Variants in CTNNA1 observed in about 807,000 individuals in gnomAD.
CTNNA1 encodes catenin alpha 1.
Under a neutral mutation model 98.4 loss-of-function variants are expected in CTNNA1, and 37 were observed. The ratio of observed to expected loss-of-function variants is 0.38; its 90% CI spans 0.29 to 0.49. The LOEUF (loss-of-function observed/expected upper bound fraction) is 0.49, where lower values mean the gene tolerates loss of function less well. CTNNA1 is among the 20% of genes least tolerant of loss of function. The pLI, the probability that CTNNA1 is intolerant of heterozygous loss-of-function variation, is 0.95. For missense variants in CTNNA1, 761 were observed against 1,147.2 expected, an observed-to-expected ratio of 0.66 and a Z score of 4.86; for synonymous variants, 404 against 413.2, an observed-to-expected ratio of 0.98 and a Z score of 0.27.
chr5:138,811,700 G>A (rs1758816704), intron 4 of CTNNA1, among the ~76,000 whole-genome samples: 2 of 152,096 alleles, frequency 1.3e-5, no homozygotes, highest in East Asian at 1.9e-4. Flanking sequence ...CGGATCACTC[G>A]CGGTTAGGAG....
intron 1 of CTNNA1, among the ~76,000 whole-genome samples, chr5:138,768,676 G>A (rs1753205051): frequency 6.6e-6 from 1 of 151,042 alleles, no homozygotes; most frequent in Non-Finnish European, 1.5e-5. Flanking sequence ...CCTGGGTACA[G>A]GTGGTCCTTC....
At chr5:138,775,690 G>C (rs1486803805) in intron 1 of CTNNA1, among the ~76,000 whole-genome samples, 7 of 146,670 alleles carry the variant, frequency 4.8e-5, no homozygotes, top group Non-Finnish European at 1.0e-4. Flanking sequence ...AGTCTCTTTA[G>C]CCTCCTTTAA....
At chr5:138,862,418 T>A (rs1450369039) in intron 7 of CTNNA1, among the ~76,000 whole-genome samples, 1 of 152,234 alleles carries the variant, frequency 6.6e-6, no homozygotes, top group Non-Finnish European at 1.5e-5. Context: ...TCCTAAAATA[T>A]AATTGTCCAA....
At chr5:138,834,053 C>T (rs1761542468) in intron 7 of CTNNA1, among the ~76,000 whole-genome samples, 1 of 152,104 alleles carries the variant, frequency 6.6e-6, no homozygotes, top group Non-Finnish European at 1.5e-5. Context: ...TGTTCATTTT[C>T]AAAGATCTTT....
intron 5 of CTNNA1, among the ~76,000 whole-genome samples, chr5:138,820,688 C>CT (rs1426783448): frequency 6.6e-6 from 1 of 152,016 alleles, no homozygotes; most frequent in African/African-American, 2.4e-5. Context: ...CTTTGGCACT[C>CT]TATCTCAATT....
chr5:138,899,203 CTTTTGT>C (rs1478409113), intron 9 of CTNNA1, among the ~76,000 whole-genome samples: 10 of 151,742 alleles, frequency 6.6e-5, no homozygotes, highest in Non-Finnish European at 1.0e-4. Flanking sequence ...TCCTTGTATA[CTTTTGT>C]TTTTGTTTTT....
chr5:138,867,747 C>CTTTTTT (rs67829407), intron 7 of CTNNA1, among the ~76,000 whole-genome samples: 4 of 144,118 alleles, frequency 2.8e-5, no homozygotes, highest in African/African-American at 2.6e-5. Flanking sequence ...TTCTTTCTTT[C>CTTTTTT]TTTTTTTTTT....
At position 138,851,957 on chromosome 5, in the gene CTNNA1, C is replaced by T. The variant is rs907588488; in HGVS notation, c.1062+24239C>T. Among the ~76,000 whole-genome samples the T allele has an allele frequency of 1.5e-4, 23 of 151,876 alleles. 1 individual carries two copies. Among genetic ancestry groups the T allele is most frequent in the Non-Finnish European group, 5.9e-5 (4 of 68,000 alleles). Reference sequence around the variant, plus strand: ...TGATGGCGCGTGCCTGTAATCCCAGCTACTCGGAAGGCTGAGGCAGGAGAA... The same window carrying T: ...TGATGGCGCGTGCCTGTAATCCCAGTTACTCGGAAGGCTGAGGCAGGAGAA... On this transcript the variant is annotated intron_variant, in intron 7 of 17. Transcript: ENST00000302763.
chr5:138,879,462 G>GT (rs1185309107), intron 7 of CTNNA1, among the ~76,000 whole-genome samples: 1 of 151,590 alleles, frequency 6.6e-6, no homozygotes, highest in Non-Finnish European at 1.5e-5. Flanking sequence ...TTTTGTTGTT[G>GT]TGTTTTTTTT....
chr5:138,933,060 G>C, intron 17 of CTNNA1: 1 of 728,376 alleles, frequency 1.4e-6, no homozygotes, highest in Non-Finnish European at 2.5e-6. Context: ...CTTGAGCCTG[G>C]GAGATGGAGG....
chr5:138,829,456 G>C (rs2149790043), intron 7 of CTNNA1, among the ~76,000 whole-genome samples: 1 of 152,266 alleles, frequency 6.6e-6, no homozygotes, highest in East Asian at 1.9e-4. Context: ...GTGGGAAGGA[G>C]GATGTGATAA....
chr5:138,823,733 G>A (rs988529345), intron 5 of CTNNA1, among the ~76,000 whole-genome samples: 5 of 151,816 alleles, frequency 3.3e-5, no homozygotes, highest in East Asian at 1.9e-4. Context: ...CGAGGCGGGC[G>A]GATCACGAGG....
chr5:138,835,204 G>GAT (rs1761665184), intron 7 of CTNNA1, among the ~76,000 whole-genome samples: 2 of 152,266 alleles, frequency 1.3e-5, no homozygotes, highest in African/African-American at 4.8e-5. Flanking sequence ...AGGCCATCTG[G>GAT]ATGTATACAT....
rs752347559 is a variant in CTNNA1 at position 138,932,673 on chromosome 5, C to T, written c.2394C>T (p.Ala798=). The T allele has an allele frequency of 1.2e-5, 19 of 1,614,042 alleles. No individual in the cohort carries two copies. The highest frequency in any genetic ancestry group is 1.6e-5 in the Non-Finnish European group (19 of 1,180,046). The change falls in exon 17 of 18, where the codon GCC becomes GCT. Residue 798 remains alanine, a synonymous_variant. Transcript: ENST00000302763. ...HQLNICSKVK[A]EVQNLGGELV... ...TGAACATCTGCAGCAAGGTCAAGGC[C>T]GAGGTGCAGAATCTCGGCGGGGAGC...
At chr5:138,830,816 T>C (rs1761204291) in intron 7 of CTNNA1, among the ~76,000 whole-genome samples, 1 of 152,180 alleles carries the variant, frequency 6.6e-6, no homozygotes, top group Non-Finnish European at 1.5e-5. Flanking sequence ...GGGGGTTTAA[T>C]GGGAGTGTCA....
intron 1 of CTNNA1, among the ~76,000 whole-genome samples, chr5:138,774,655 T>C (rs1045774364): frequency 4.6e-5 from 7 of 151,966 alleles, no homozygotes; most frequent in Non-Finnish European, 8.8e-5. Context: ...GGAGTCTCGC[T>C]CTGTCGCCCA....
In CTNNA1 at chr5:138,770,620, C is replaced by T. The variant is rs555876454; in HGVS notation, c.-2-11303C>T. 2.0e-5 allele frequency among the ~76,000 whole-genome samples: 3 copies of T among 152,304 alleles called. No homozygotes were observed. In the South Asian group the frequency reaches 6.2e-4, roughly 32 times the overall value. ...CCTCCAGATACTCACTTGATTAGTT[C>T]TTTCCTGACTATTAGATTTTCGCTC... On this transcript the variant is annotated intron_variant, in intron 1 of 17. Transcript: ENST00000302763.
chr5:138,765,109 C>T (rs1388923091), intron 1 of CTNNA1, among the ~76,000 whole-genome samples: 1 of 151,832 alleles, frequency 6.6e-6, no homozygotes, highest in Admixed American at 6.6e-5. Flanking sequence ...GGCATGATCT[C>T]GGCTCACTGC....
rs1760473602 is a variant in CTNNA1, at chr5:138,824,764, G to A, written c.823G>A (p.Gly275Arg). 1.2e-6 allele frequency: 2 copies of A among 1,614,210 alleles called. No individual in the cohort carries two copies. The highest frequency in any genetic ancestry group is 1.7e-6 in the Non-Finnish European group (2 of 1,180,032). Reference sequence around the variant, plus strand: ...TGCCTCACAGCACCAGGGTGGAGGAGGAGGAGAACTGGCATATGCACTCAA... The same window carrying A: ...TGCCTCACAGCACCAGGGTGGAGGAAGAGGAGAACTGGCATATGCACTCAA... ...DDASQHQGGG[G>R]GELAYALNNF... The change falls in exon 6 of 18, where the codon GGA (glycine) becomes AGA (arginine). Residue 275 changes from glycine (G) to arginine (R), a missense_variant. By Grantham distance (125) the Gly-to-Arg change is moderately radical. Around this residue, in one of 6 missense-constraint regions of CTNNA1, gnomAD observed 328 missense variants for 354.3 expected, o/e 0.93. Coordinates refer to ENST00000302763, the MANE Select transcript of CTNNA1 (RefSeq NM_001903.5).
Sources: allele counts gnomAD v4.1 joint callset (sites outside exome capture counted in the v4.1 genomes callset), GRCh38; gene constraint gnomAD v4.1.1; regional missense constraint gnomAD v4.1.1; transcripts MANE v1.5; gene names NCBI Gene and HGNC (gene_info 2026-07-23, HGNC 2026-07-21).